LINGO2: variants seen among roughly 807,000 people sequenced by gnomAD.
The protein encoded by LINGO2 is leucine-rich repeat and immunoglobulin-like domain-containing nogo receptor-interacting protein 2.
Under a neutral mutation model 30.6 loss-of-function variants are expected in LINGO2, and 14 were observed. That is an observed-to-expected ratio of 0.46 (90% CI 0.30 to 0.72). LINGO2 has a LOEUF of 0.72. LINGO2 is among the 30% of genes least tolerant of loss of function. The pLI is 0.07. For synonymous variants in LINGO2, 317 were observed against 288.5 expected (o/e 1.10, Z -1.00); for missense variants, 729 against 751.7 (o/e 0.97, Z 0.35).
intron 4 of LINGO2, among the ~76,000 whole-genome samples, chr9:28,049,731 A>AT (rs1265878891): frequency 1.3e-5 from 2 of 150,646 alleles, no homozygotes; most frequent in Non-Finnish European, 2.9e-5. Flanking sequence ...TAACAGGTCT[A>AT]TTTCAAGGGC....
chr9:28,048,515 C>CTTT (rs1563942322), intron 4 of LINGO2, among the ~76,000 whole-genome samples: 1 of 150,492 alleles, frequency 6.6e-6, no homozygotes, highest in African/African-American at 2.5e-5. Context: ...GTATTCATTG[C>CTTT]CAGTGAAAGT....
the LINGO2 span, among the ~76,000 whole-genome samples, chr9:29,065,112 C>T: frequency 6.6e-6 from 1 of 152,058 alleles, no homozygotes; most frequent in African/African-American, 2.4e-5. Flanking sequence ...AAGATACTCT[C>T]TCTACACAAT....
chr9:28,097,770 G>A (rs1268645633), intron 4 of LINGO2, among the ~76,000 whole-genome samples: 2 of 151,320 alleles, frequency 1.3e-5, no homozygotes, highest in Non-Finnish European at 2.9e-5. Flanking sequence ...CACCCGCATG[G>A]CACATGTATA....
the LINGO2 span, among the ~76,000 whole-genome samples, chr9:29,066,046 C>T: frequency 2.6e-5 from 4 of 151,812 alleles, no homozygotes; most frequent in Non-Finnish European, 5.9e-5. Context: ...ATTTGTCCCC[C>T]AGAATCTATC....
At chr9:28,243,181 G>A (rs1821864222) in intron 4 of LINGO2, among the ~76,000 whole-genome samples, 1 of 152,004 alleles carries the variant, frequency 6.6e-6, no homozygotes, top group Non-Finnish European at 1.5e-5. Context: ...GACTAGGCTG[G>A]GTGTGGTAGC....
At chr9:29,160,433 CAG>C in the LINGO2 span, among the ~76,000 whole-genome samples, 2 of 152,154 alleles carry the variant, frequency 1.3e-5, no homozygotes, top group Non-Finnish European at 2.9e-5. Context: ...ATAACTATTT[CAG>C]AGTGTTTGTG....
intron 2 of LINGO2, among the ~76,000 whole-genome samples, chr9:28,430,512 T>C (rs2134945295): frequency 6.6e-6 from 1 of 152,240 alleles, no homozygotes; most frequent in East Asian, 1.9e-4. Context: ...TCCAATATCA[T>C]CCTCCTAGAG....
intron 4 of LINGO2, among the ~76,000 whole-genome samples, chr9:28,212,282 T>A (rs1820618897): frequency 6.6e-6 from 1 of 151,398 alleles, no homozygotes; most frequent in Admixed American, 6.6e-5. Context: ...ATATACATAA[T>A]CTCATTAGTT....
chr9:28,659,458 C>CT (rs901783809), intron 1 of LINGO2, among the ~76,000 whole-genome samples: 324 of 146,920 alleles, frequency 2.2e-3, no homozygotes, highest in Non-Finnish European at 2.9e-3. Flanking sequence ...CCTTTTTTAT[C>CT]TTTTTTTTTT....
At chr9:28,128,367 C>G (rs1827296469) in intron 4 of LINGO2, among the ~76,000 whole-genome samples, 1 of 152,082 alleles carries the variant, frequency 6.6e-6, no homozygotes, top group South Asian at 2.1e-4. Flanking sequence ...TCATCATTCC[C>G]AGATTAAAAA....
Position 28,168,157 on chromosome 9 carries a change from T to C in LINGO2, c.-87+127051A>G, listed in dbSNP as rs551988577. On this transcript the variant is annotated intron_variant, in intron 4 of 5. Transcript: ENST00000379992. ...GTGCAGTGGGTTTGAGCAGGGAGTG[T>C]GGTGATAACATCATTTGTGCCCTGA... Among the ~76,000 whole-genome samples, 3 of 152,316 alleles carry C rather than the reference T, an allele frequency of 2.0e-5. No homozygotes were observed. In the South Asian group the frequency reaches 6.2e-4, roughly 32 times the overall value.
intron 4 of LINGO2, among the ~76,000 whole-genome samples, chr9:28,162,833 A>G (rs1326909820): frequency 1.3e-5 from 2 of 152,176 alleles, no homozygotes; most frequent in South Asian, 2.1e-4. Flanking sequence ...CCAGTGCAAC[A>G]AAAACATGGT....
intron 4 of LINGO2, among the ~76,000 whole-genome samples, chr9:28,227,571 T>C (rs1821212028): frequency 6.6e-6 from 1 of 152,024 alleles, no homozygotes; most frequent in Admixed American, 6.6e-5. Flanking sequence ...TTCTCTTTTT[T>C]CCTATGTTAA....
intron 1 of LINGO2, among the ~76,000 whole-genome samples, chr9:28,499,001 G>A (rs1338675122): frequency 6.6e-6 from 1 of 151,768 alleles, no homozygotes; most frequent in Non-Finnish European, 1.5e-5. Context: ...CAGAAAGAAA[G>A]CAAACTTATG....
At chr9:27,981,581 G>GAAAAAAAAAAAAAAAAAAAAAA (rs1429861888) in intron 5 of LINGO2, among the ~76,000 whole-genome samples, 1 of 84,542 alleles carries the variant, frequency 1.2e-5, no homozygotes, top group Admixed American at 1.2e-4. Flanking sequence ...AAAAAAAAAA[G>GAAAAAAAAAAAAAAAAAAAAAA]AAAAAAAATT....
the LINGO2 span, among the ~76,000 whole-genome samples, chr9:28,969,469 T>C: frequency 3.9e-5 from 6 of 152,194 alleles, no homozygotes; most frequent in Non-Finnish European, 7.3e-5. Context: ...TTACTTTGGC[T>C]TTTGAGCTGA....
chr9:28,446,544 CA>C (rs775400048), intron 2 of LINGO2, among the ~76,000 whole-genome samples: 2 of 152,198 alleles, frequency 1.3e-5, no homozygotes, highest in African/African-American at 2.4e-5. Context: ...CACATTCAAT[CA>C]ATTACTAAGT....
At chr9:28,859,996 A>G in the LINGO2 span, among the ~76,000 whole-genome samples, 1 of 152,064 alleles carries the variant, frequency 6.6e-6, no homozygotes, top group African/African-American at 2.4e-5. Flanking sequence ...TTCTAAGTCA[A>G]TAATGTTTTA....
the LINGO2 span, among the ~76,000 whole-genome samples, chr9:29,075,025 TA>T: frequency 2.0e-5 from 3 of 152,094 alleles, no homozygotes; most frequent in African/African-American, 4.8e-5. Context: ...TAAATACACA[TA>T]ATTTTATGTG....
Sources: allele counts gnomAD v4.1 joint callset (sites outside exome capture counted in the v4.1 genomes callset), GRCh38; gene constraint gnomAD v4.1.1; transcripts MANE v1.5; gene names NCBI Gene and HGNC (gene_info 2026-07-23, HGNC 2026-07-21).